RIGI: variants seen among roughly 807,000 people sequenced by gnomAD.
RIGI encodes antiviral innate immune response receptor RIG-I.
At chr9:32,494,564 T>C in the RIGI span, among the ~76,000 whole-genome samples, 1 of 152,140 alleles carries the variant, frequency 6.6e-6, no homozygotes, top group Non-Finnish European at 1.5e-5. Flanking sequence ...ACATTTACCA[T>C]CTTAACTATT....
chr9:32,477,260 T>C, the RIGI span: 1 of 1,022,508 alleles, frequency 9.8e-7, no homozygotes, highest in East Asian at 2.6e-5. Flanking sequence ...TAGTAAGTAC[T>C]GTTTTAAATT....
At chr9:32,462,581 G>A in the RIGI span, among the ~76,000 whole-genome samples, 2 of 151,732 alleles carry the variant, frequency 1.3e-5, no homozygotes, top group Non-Finnish European at 2.9e-5. Context: ...GCTAATTTTT[G>A]TATTTTTAGT....
At chr9:32,523,278 C>T in the RIGI span, among the ~76,000 whole-genome samples, 2 of 152,146 alleles carry the variant, frequency 1.3e-5, no homozygotes, top group Non-Finnish European at 1.5e-5. Flanking sequence ...ATTGCACCCA[C>T]TCTCATTGTT....
chr9:32,511,728 G>T, the RIGI span, among the ~76,000 whole-genome samples: 1 of 151,968 alleles, frequency 6.6e-6, no homozygotes. Context: ...AAATAACTAA[G>T]ATCAGAGCAG....
chr9:32,456,135 A>T, the RIGI span: 1 of 152,212 alleles, frequency 6.6e-6, no homozygotes, highest in Non-Finnish European at 1.5e-5. Context: ...CATCTGTAAC[A>T]TCCAAGGGAT....
the RIGI span, among the ~76,000 whole-genome samples, chr9:32,514,690 G>A: frequency 6.6e-6 from 1 of 152,106 alleles, no homozygotes; most frequent in Non-Finnish European, 1.5e-5. Context: ...AAACCTGCAC[G>A]TTCTGCACAT....
At chr9:32,457,182 C>G in the RIGI span, 3 of 1,613,584 alleles carry the variant, frequency 1.9e-6, no homozygotes, top group Non-Finnish European at 2.5e-6. Context: ...CCTTCCACTT[C>G]GAGTACAGTG....
the RIGI span, among the ~76,000 whole-genome samples, chr9:32,485,989 T>A: frequency 2.0e-5 from 3 of 152,202 alleles, no homozygotes; most frequent in African/African-American, 7.2e-5. Flanking sequence ...ACACTGATCC[T>A]ACCATTTATC....
the RIGI span, among the ~76,000 whole-genome samples, chr9:32,464,888 T>C: frequency 6.6e-6 from 1 of 152,184 alleles, no homozygotes; most frequent in Non-Finnish European, 1.5e-5. Context: ...CATAGCCTGA[T>C]TCAACAGATA....
At chr9:32,481,898 T>C in the RIGI span, among the ~76,000 whole-genome samples, 3 of 152,220 alleles carry the variant, frequency 2.0e-5, no homozygotes, top group Non-Finnish European at 4.4e-5. Flanking sequence ...TTTTCTTTCT[T>C]ACTCTCTGCA....
At chr9:32,491,255 TACCAGAAGAGC>T in the RIGI span, 3 of 1,602,690 alleles carry the variant, frequency 1.9e-6, no homozygotes, top group Non-Finnish European at 2.5e-6. Flanking sequence ...CCACACCAAA[TACCAGAAGAGC>T]ACCATTATGG....
chr9:32,511,454 A>G, the RIGI span, among the ~76,000 whole-genome samples: 4 of 152,234 alleles, frequency 2.6e-5, no homozygotes, highest in African/African-American at 7.2e-5. Flanking sequence ...AACTACATGG[A>G]AACTGAACAA....
chr9:32,500,791 A>G, the RIGI span: 1 of 1,603,624 alleles, frequency 6.2e-7, no homozygotes, highest in African/African-American at 1.3e-5. Context: ...TGTGATTAAA[A>G]AGAATGAACT....
the RIGI span, among the ~76,000 whole-genome samples, chr9:32,512,154 T>G: frequency 6.6e-6 from 1 of 152,198 alleles, no homozygotes; most frequent in Non-Finnish European, 1.5e-5. Flanking sequence ...GAGGAGCTTA[T>G]ACCATTCCTT....
chr9:32,519,962 T>C, the RIGI span, among the ~76,000 whole-genome samples: 1 of 152,218 alleles, frequency 6.6e-6, no homozygotes, highest in South Asian at 2.1e-4. Flanking sequence ...CAGTACTTTA[T>C]CTAGAAACCA....
the RIGI span, chr9:32,488,624 A>C: frequency 8.6e-7 from 1 of 1,164,638 alleles, no homozygotes. Context: ...GATTATAAAA[A>C]AGCTGAATCT....
chr9:32,508,239 ATTTTTTTT>A, the RIGI span, among the ~76,000 whole-genome samples: 16 of 70,336 alleles, frequency 2.3e-4, 1 homozygote, highest in Non-Finnish European at 3.8e-4. Context: ...TATTTACTTA[ATTTTTTTT>A]TTTTTTTTTT....
the RIGI span, chr9:32,494,080 G>A: frequency 1.5e-6 from 1 of 667,448 alleles, no homozygotes; most frequent in East Asian, 3.1e-5. Flanking sequence ...AATTGTCATT[G>A]ATTTTTCAAA....
the RIGI span, chr9:32,500,763 A>T: frequency 6.3e-7 from 1 of 1,591,062 alleles, no homozygotes; most frequent in Non-Finnish European, 8.5e-7. Context: ...TCAAGCAGCA[A>T]AGTAATATCC....
Sources: gnomAD v4.1 joint callset for allele counts (sites outside exome capture counted in the v4.1 genomes callset) on GRCh38, gnomAD v4.1.1 for gene constraint, MANE v1.5 for transcripts, NCBI Gene and HGNC (gene_info 2026-07-23, HGNC 2026-07-21) for gene names.